The following CTNNA2 variants were observed in gnomAD, a reference collection of about 807,000 sequenced individuals.
CTNNA2 encodes catenin alpha-2.
CTNNA2 carries 42 observed loss-of-function variants against 101.0 expected under a neutral mutation model. That is an observed-to-expected ratio of 0.42 (90% CI 0.32 to 0.54). The LOEUF (loss-of-function observed/expected upper bound fraction) is 0.54, where lower values mean the gene tolerates loss of function less well. Among genes scored for constraint, CTNNA2 ranks in the 20% least tolerant of loss-of-function variants. The probability of loss-of-function intolerance (pLI) is 0.14; values close to 1 mark genes in which losing one functional copy is unlikely to be tolerated. For synonymous variants in CTNNA2, 450 were observed against 456.4 expected (o/e 0.99, Z 0.18); for missense variants, 871 against 1,223.1 (o/e 0.71, Z 4.29).
chr2:80,425,273 G>T (rs114125220), intron 9 of CTNNA2, among the ~76,000 whole-genome samples: 1 of 152,134 alleles, frequency 6.6e-6, no homozygotes, highest in East Asian at 1.9e-4. Context: ...GTCAAGAAGC[G>T]CAAATTCCTG....
rs565368520 is a variant in CTNNA2 at position 79,589,350 on chromosome 2, C to T, written c.-5-62202C>T. 5.3e-5 allele frequency among the ~76,000 whole-genome samples: 8 copies of T among 152,154 alleles called. No homozygotes were observed. In the East Asian group the frequency reaches 5.8e-4, roughly 11 times the overall value. ...TGGAGAAATTACTTATCTTTTCTAT[C>T]GTAAAAGAAATAATTGGTCAGTTTT... On this transcript the variant is annotated intron_variant, in intron 1 of 18. Transcript: ENST00000402739.
intron 7 of CTNNA2, among the ~76,000 whole-genome samples, chr2:79,972,652 G>A (rs1252668110): frequency 1.3e-5 from 2 of 152,072 alleles, no homozygotes; most frequent in African/African-American, 4.8e-5. Context: ...TTAATGTGGT[G>A]GTTTATTCCA....
intron 4 of CTNNA2, among the ~76,000 whole-genome samples, chr2:79,405,320 G>GTATTTA (rs1553409145): frequency 6.6e-6 from 1 of 151,896 alleles, no homozygotes; most frequent in African/African-American, 2.4e-5. Context: ...CTGACAATTT[G>GTATTTA]TTTTTATTTT....
At chr2:80,499,050 T>A (rs987708038) in intron 9 of CTNNA2, among the ~76,000 whole-genome samples, 1 of 152,208 alleles carries the variant, frequency 6.6e-6, no homozygotes, top group Non-Finnish European at 1.5e-5. Context: ...GACAAGTCTA[T>A]GTGGGGCAAT....
intron 2 of CTNNA2, among the ~76,000 whole-genome samples, chr2:79,658,718 A>T (rs62140117): frequency 0.015 from 2,218 of 152,102 alleles, 26 homozygotes; most frequent in Middle Eastern, 0.024. Context: ...AAACTTAATA[A>T]ATAACACTAA....
chr2:79,195,927 A>G, intron 1 of CTNNA2: 1 of 446,972 alleles, frequency 2.2e-6, no homozygotes, highest in Non-Finnish European at 4.4e-6. Context: ...TAGGGGGATG[A>G]ACTCAGTTTT....
chr2:79,657,922 C>T (rs1380853754), intron 2 of CTNNA2, among the ~76,000 whole-genome samples: 6 of 151,416 alleles, frequency 4.0e-5, no homozygotes, highest in South Asian at 4.1e-4. Flanking sequence ...TAATGTACCA[C>T]GTAAATTTTG....
intron 2 of CTNNA2, among the ~76,000 whole-genome samples, chr2:79,658,421 C>T (rs1168339462): frequency 1.3e-4 from 19 of 151,980 alleles, no homozygotes; most frequent in Admixed American, 1.2e-3. Flanking sequence ...ATTTTCTTTA[C>T]CATTTAATGG....
At chr2:80,173,211 C>A (rs1030616303) in intron 7 of CTNNA2, among the ~76,000 whole-genome samples, 2 of 152,182 alleles carry the variant, frequency 1.3e-5, no homozygotes, top group African/African-American at 4.8e-5. Flanking sequence ...TGAACCTACC[C>A]TAGCCACGTC....
At chr2:79,880,981 T>G (rs754698104) in intron 6 of CTNNA2, among the ~76,000 whole-genome samples, 17 of 152,210 alleles carry the variant, frequency 1.1e-4, no homozygotes, top group Non-Finnish European at 2.4e-4. Context: ...CTCTTAACAC[T>G]GCTTTAACTG....
At chr2:80,629,653 C>A (rs1672065728) in intron 18 of CTNNA2, among the ~76,000 whole-genome samples, 1 of 152,162 alleles carries the variant, frequency 6.6e-6, no homozygotes, top group Admixed American at 6.5e-5. Context: ...CTTCTTCAGG[C>A]TGGTTCAGTC....
chr2:80,276,534 A>G (rs1673916021), intron 7 of CTNNA2, among the ~76,000 whole-genome samples: 1 of 152,174 alleles, frequency 6.6e-6, no homozygotes, highest in African/African-American at 2.4e-5. Context: ...CTCTATAAGA[A>G]GCATGGTGCC....
intron 9 of CTNNA2, 81 bp downstream of exon 9, chr2:80,419,682 G>C (rs1680344469): frequency 1.4e-6 from 2 of 1,385,958 alleles, no homozygotes; most frequent in African/African-American, 2.9e-5. Context: ...TCACTAGAGA[G>C]ATATTCTATT....
intron 14 of CTNNA2, among the ~76,000 whole-genome samples, chr2:80,584,074 G>A (rs748802091): frequency 6.6e-6 from 1 of 152,062 alleles, no homozygotes; most frequent in African/African-American, 2.4e-5. Flanking sequence ...TGTTAAGTTG[G>A]AAATAAGAGG....
intron 2 of CTNNA2, among the ~76,000 whole-genome samples, chr2:79,655,514 G>A (rs897753176): frequency 4.6e-5 from 7 of 152,068 alleles, no homozygotes; most frequent in African/African-American, 1.7e-4. Context: ...CTAAATCATA[G>A]CACATCTAAG....
intron 2 of CTNNA2, among the ~76,000 whole-genome samples, chr2:79,221,890 G>A (rs530972674): frequency 1.2e-4 from 19 of 152,180 alleles, no homozygotes; most frequent in Non-Finnish European, 2.4e-4. Flanking sequence ...GACACTTGTG[G>A]TCATGGAAGA....
At chr2:79,994,922 A>G (rs550208960) in intron 7 of CTNNA2, among the ~76,000 whole-genome samples, 1 of 152,290 alleles carries the variant, frequency 6.6e-6, no homozygotes, top group African/African-American at 2.4e-5. Flanking sequence ...CAGTAAATTC[A>G]AGCCACTGAC....
At chr2:80,365,001 CT>C (rs1317041401) in intron 7 of CTNNA2, among the ~76,000 whole-genome samples, 1 of 152,142 alleles carries the variant, frequency 6.6e-6, no homozygotes, top group Non-Finnish European at 1.5e-5. Flanking sequence ...CTCCTACACA[CT>C]GTAATCCAGT....
chr2:80,312,028 T>G (rs1677638609), intron 7 of CTNNA2, among the ~76,000 whole-genome samples: 1 of 152,244 alleles, frequency 6.6e-6, no homozygotes, highest in Admixed American at 6.5e-5. Context: ...TTCTACTTGC[T>G]ATTAGCAAAT....
Sources: gnomAD v4.1 joint callset for allele counts (sites outside exome capture counted in the v4.1 genomes callset) on GRCh38, gnomAD v4.1.1 for gene constraint, MANE v1.5 for transcripts, NCBI Gene and HGNC (gene_info 2026-07-23, HGNC 2026-07-21) for gene names.